DHRS7C: variants seen among roughly 807,000 people sequenced by gnomAD.
The protein encoded by DHRS7C is dehydrogenase/reductase SDR family member 7C.
Under a neutral mutation model 29.6 loss-of-function variants are expected in DHRS7C, and 28 were observed. That is an observed-to-expected ratio of 0.95 (90% CI 0.70 to 1.30). The LOEUF is 1.30. Ranked by LOEUF, DHRS7C falls within the 50% of genes most tolerant of loss-of-function variation. The pLI is 0.00. For missense variants in DHRS7C, 403 were observed against 393.3 expected (o/e 1.02, Z -0.21); for synonymous variants, 158 against 160.2 (o/e 0.99, Z 0.10).
intron 1 of DHRS7C, among the ~76,000 whole-genome samples, chr17:9,786,176 T>A (rs1409519479): frequency 6.6e-6 from 1 of 151,268 alleles, no homozygotes; most frequent in Non-Finnish European, 1.5e-5. Context: ...TACAAAAAAA[T>A]ATTAGCCGGG....
chr17:9,791,319 G>A lies in DHRS7C; in HGVS notation c.-35C>T, dbSNP rs2066454203. On this transcript the variant is annotated 5_prime_UTR_variant, in exon 1 of 6. Coordinates refer to ENST00000571134, the MANE Select transcript of DHRS7C (RefSeq NM_001105571.3). The stretch of plus-strand genomic sequence containing the variant: ...GGGGACAACGGAGTAAAAGGGGATT[G>A]GCTTTGCAAAGAGACGCTGATCAGG... The A allele has an allele frequency of 3.1e-6, 5 of 1,608,228 alleles. No homozygotes were observed. Among genetic ancestry groups the A allele is most frequent in the African/African-American group, 1.3e-5 (1 of 75,012 alleles).
At position 9,772,839 on chromosome 17, in the gene DHRS7C, C is replaced by T. The variant is rs765491891; in HGVS notation, c.655G>A (p.Val219Met). The T allele has an allele frequency of 1.2e-5, 20 of 1,613,850 alleles. No homozygotes were observed. Among genetic ancestry groups the T allele is most frequent in the Non-Finnish European group, 1.5e-5 (18 of 1,179,886 alleles). Reference protein sequence around the residue: ...VEEYDVVISTVSPTFIRSYHV... With the variant: ...VEEYDVVISTMSPTFIRSYHV... ...TACGACCGGATGAAAGTCGGGCTCA[C>T]GGTGCTGATGACAACATCGTATTCC... The change falls in exon 5 of 6, where the codon GTG (valine) becomes ATG (methionine). Residue 219 changes from valine (V) to methionine (M), a missense_variant. Val to Met is a conservative substitution (Grantham distance 21). Coordinates refer to ENST00000571134, the MANE Select transcript of DHRS7C (RefSeq NM_001105571.3).
intron 1 of DHRS7C, among the ~76,000 whole-genome samples, chr17:9,788,035 A>G (rs1348677176): frequency 6.6e-6 from 1 of 152,006 alleles, no homozygotes; most frequent in African/African-American, 2.4e-5. Context: ...TGGGGATTGT[A>G]AGATGCTATG....
chr17:9,785,724 A>AGAAAGTGCCCACATGAAAGTG (rs2066419650), intron 1 of DHRS7C, among the ~76,000 whole-genome samples: 1 of 152,124 alleles, frequency 6.6e-6, no homozygotes, highest in Non-Finnish European at 1.5e-5. Context: ...AAAGATTCAG[A>AGAAAGTGCCCACATGAAAGTG]CCCAGTTTTA....
intron 1 of DHRS7C, among the ~76,000 whole-genome samples, chr17:9,789,539 AAC>A (rs1338255302): frequency 6.6e-6 from 1 of 152,158 alleles, no homozygotes; most frequent in East Asian, 1.9e-4. Context: ...CCCACTGAGA[AAC>A]ACACAGATAC....
At chr17:9,778,458 T>C (rs975121332) in intron 3 of DHRS7C, among the ~76,000 whole-genome samples, 1 of 151,344 alleles carries the variant, frequency 6.6e-6, no homozygotes, top group African/African-American at 2.4e-5. Flanking sequence ...AGTCCGGCGC[T>C]AGGGACTAGA....
chr17:9,778,718 ATCTG>A (rs2066376805), intron 3 of DHRS7C, among the ~76,000 whole-genome samples: 1 of 152,110 alleles, frequency 6.6e-6, no homozygotes, highest in African/African-American at 2.4e-5. Flanking sequence ...CTTTCTCTTC[ATCTG>A]TCTTAGTACT....
chr17:9,781,710 G>C lies in DHRS7C; in HGVS notation c.155-116C>G, dbSNP rs1029804387. On this transcript the variant is annotated intron_variant, in intron 1 of 5. Coordinates refer to ENST00000571134, the MANE Select transcript of DHRS7C (RefSeq NM_001105571.3). ...AAACTCAGAAGTCTTAGCACCACGA[G>C]GTCCTTTAGGGGTCACTTCATTGAA... is the stretch of plus-strand genomic sequence containing the variant. The C allele has an allele frequency of 2.5e-5, 23 of 908,572 alleles. No individual in the cohort carries two copies. The African/African-American group carries it at 3.5e-4, about 14-fold the overall frequency. 56.3% of individuals were successfully genotyped at this position (908,572 alleles called of 1,614,324 possible).
intron 5 of DHRS7C, among the ~76,000 whole-genome samples, chr17:9,772,326 A>T (rs2066334258): frequency 6.6e-6 from 1 of 152,196 alleles, no homozygotes; most frequent in South Asian, 2.1e-4. Context: ...CGAAATGATT[A>T]AGGGATTTGC....
chr17:9,776,266 C>A (rs1348333543), intron 4 of DHRS7C, among the ~76,000 whole-genome samples: 5 of 152,150 alleles, frequency 3.3e-5, no homozygotes, highest in South Asian at 4.2e-4. Flanking sequence ...CATGCACGTG[C>A]ACAGAGGAAA....
At position 9,772,881 on chromosome 17, in the gene DHRS7C, G is replaced by A. The variant is rs773971349; in HGVS notation, c.613C>T (p.Leu205Phe). Reference protein sequence around the residue: ...KHAALGFFDCLRAEVEEYDVV... With the variant: ...KHAALGFFDCFRAEVEEYDVV... ...TCGTATTCCTCCACTTCGGCTCGGAGGCAGTCAAAGAAGCCCAGGGCTGCG... is the reference window on the plus strand; with the variant it reads ...TCGTATTCCTCCACTTCGGCTCGGAAGCAGTCAAAGAAGCCCAGGGCTGCG... Residue 205 changes from leucine to phenylalanine, a missense_variant, in exon 5 of 6, where the codon CTC (leucine) becomes TTC (phenylalanine). Leu to Phe is a conservative substitution (Grantham distance 22, BLOSUM62 0). Transcript: ENST00000571134. 1.2e-5 allele frequency: 20 copies of A among 1,613,830 alleles called. No individual in the cohort carries two copies. Among genetic ancestry groups the A allele is most frequent in the South Asian group, 2.2e-5 (2 of 91,088 alleles).
At chr17:9,777,618 A>G (rs369909830) in intron 3 of DHRS7C, among the ~76,000 whole-genome samples, 2 of 151,544 alleles carry the variant, frequency 1.3e-5, no homozygotes, top group African/African-American at 2.4e-5. Context: ...ACACGTGCAG[A>G]TTTGTCACAT....
chr17:9,779,076 A>C (rs2066378789), intron 3 of DHRS7C, among the ~76,000 whole-genome samples: 1 of 151,954 alleles, frequency 6.6e-6, no homozygotes, highest in African/African-American at 2.4e-5. Flanking sequence ...TGCCTGGCTA[A>C]GTTTCGTATT....
chr17:9,780,142 GAAATGACTGAA>G, intron 2 of DHRS7C, 107 bp from the exon 3 acceptor site: 1 of 833,008 alleles, frequency 1.2e-6, no homozygotes, highest in South Asian at 2.1e-5. Context: ...CAAAGATAAT[GAAATGACTGAA>G]AAAAAAAAAA....
intron 1 of DHRS7C, among the ~76,000 whole-genome samples, chr17:9,783,413 C>T (rs1391393848): frequency 3.9e-5 from 6 of 152,076 alleles, no homozygotes; most frequent in Admixed American, 6.6e-5. Flanking sequence ...AGGATCCCAA[C>T]GGGTCTTGGG....
rs918731099 is a variant in DHRS7C, at chr17:9,774,072, C to G, written c.572-1150G>C. On this transcript the variant is annotated intron_variant, in intron 4 of 5. Coordinates refer to ENST00000571134, the MANE Select transcript of DHRS7C (RefSeq NM_001105571.3). The surrounding 1 kb of genome is among the most constrained non-coding windows in gnomAD (Gnocchi z 5.0). ...ATTGTGCGGTATGTGAATTACACAG[C>G]CAATACAAGTGTTACCAAAAAAAGG... Among the ~76,000 whole-genome samples the G allele has an allele frequency of 6.6e-6, 1 of 152,146 alleles. No homozygotes were observed. Among genetic ancestry groups the G allele is most frequent in the Non-Finnish European group, 1.5e-5 (1 of 68,028 alleles).
intron 1 of DHRS7C, among the ~76,000 whole-genome samples, chr17:9,785,583 G>A (rs1181382226): frequency 6.6e-6 from 1 of 152,204 alleles, no homozygotes; most frequent in African/African-American, 2.4e-5. Flanking sequence ...GGTTGGTGGG[G>A]AGTAGACTGC....
At chr17:9,789,904 T>G (rs905328598) in intron 1 of DHRS7C, among the ~76,000 whole-genome samples, 2 of 152,164 alleles carry the variant, frequency 1.3e-5, no homozygotes, top group African/African-American at 4.8e-5. Context: ...CCTCGCTCCC[T>G]TTTGATACAG....
In DHRS7C at chr17:9,775,663, A is replaced by G. The variant is rs2066358082; in HGVS notation, c.571+1530T>C. ...TGGAGGAGTAATCAAGTTTTCCCAC[A>G]TCACAGGCTCACAGCACCACAGGCC... On this transcript the variant is annotated intron_variant, in intron 4 of 5. Coordinates refer to ENST00000571134, the MANE Select transcript of DHRS7C (RefSeq NM_001105571.3). This position sits in a 1 kb window ranked among gnomAD's most constrained non-coding sequence, Gnocchi z 4.2. Among the ~76,000 whole-genome samples, 2 of 152,148 alleles carry G rather than the reference A, an allele frequency of 1.3e-5. No individual in the cohort carries two copies. The highest frequency in any genetic ancestry group is 2.9e-5 in the Non-Finnish European group (2 of 68,014).
Sources: gnomAD v4.1 joint callset for allele counts (sites outside exome capture counted in the v4.1 genomes callset) on GRCh38, gnomAD v4.1.1 for gene constraint, Gnocchi (gnomAD v3.1) non-coding constraint, MANE v1.5 for transcripts, NCBI Gene and HGNC (gene_info 2026-07-23, HGNC 2026-07-21) for gene names.